The following DSCAML1 variants were observed in gnomAD, a reference collection of about 807,000 sequenced individuals.
DSCAML1 encodes cell adhesion molecule DSCAML1.
Under a neutral mutation model 200.5 loss-of-function variants are expected in DSCAML1, and 38 were observed. That is an observed-to-expected ratio of 0.19 (90% CI 0.15 to 0.25). The LOEUF (loss-of-function observed/expected upper bound fraction) is 0.25. Among genes scored for constraint, DSCAML1 ranks in the 10% least tolerant of loss-of-function variants. DSCAML1 has a pLI of 1.00. For synonymous variants in DSCAML1, 1,215 were observed against 1,165.0 expected (o/e 1.04, Z -0.87); for missense variants, 2,223 against 2,858.8 (o/e 0.78, Z 5.07).
intron 3 of DSCAML1, among the ~76,000 whole-genome samples, chr11:117,752,341 G>C (rs2054618956): frequency 6.6e-6 from 1 of 152,186 alleles, no homozygotes; most frequent in Non-Finnish European, 1.5e-5. Flanking sequence ...ACTCATGTTA[G>C]GGTCTCATTA....
At chr11:117,668,694 C>G (rs1275542982) in intron 3 of DSCAML1, 1 of 152,278 alleles carries the variant, frequency 6.6e-6, no homozygotes, top group African/African-American at 2.4e-5. Flanking sequence ...TGCAAAGCAA[C>G]CTGGTCTCAC....
At chr11:117,721,652 T>TTAAATATATGTAATATA (rs1371770046) in intron 3 of DSCAML1, among the ~76,000 whole-genome samples, 3 of 148,040 alleles carry the variant, frequency 2.0e-5, no homozygotes, top group Non-Finnish European at 3.0e-5. Context: ...AAACATATAT[T>TTAAATATATGTAATATA]TAAATATATG....
At chr11:117,535,345 T>A (rs1057251333) in intron 3 of DSCAML1, among the ~76,000 whole-genome samples, 5 of 152,190 alleles carry the variant, frequency 3.3e-5, no homozygotes, top group African/African-American at 1.2e-4. Flanking sequence ...TTGAGCTACA[T>A]CTTGTTGGGG....
At chr11:117,490,190 A>G (rs994403535) in intron 11 of DSCAML1, among the ~76,000 whole-genome samples, 49 of 152,164 alleles carry the variant, frequency 3.2e-4, no homozygotes, top group African/African-American at 1.2e-3. Flanking sequence ...CAGCAAGCCG[A>G]GGTGGGAGGA....
At position 117,614,618 on chromosome 11, in the gene DSCAML1, T is replaced by A. The variant is rs908330991; in HGVS notation, c.512-82096A>T. On this transcript the variant is annotated intron_variant, in intron 3 of 32. Transcript: ENST00000651296. The stretch of plus-strand genomic sequence containing the variant: ...GTATGGCAGGGGTCATTATCCCCTG[T>A]GGTCCCCTGTGGGACTTAAGAAACC... Among the ~76,000 whole-genome samples the A allele has an allele frequency of 5.3e-5, 8 of 152,206 alleles. 1 individual carries two copies. The highest frequency in any genetic ancestry group is 1.2e-4 in the Non-Finnish European group (8 of 68,040).
intron 3 of DSCAML1, among the ~76,000 whole-genome samples, chr11:117,660,784 G>A (rs898200814): frequency 6.6e-6 from 1 of 152,120 alleles, no homozygotes; most frequent in African/African-American, 2.4e-5. Flanking sequence ...ATGGAACATC[G>A]ATGCAGGAAT....
chr11:117,641,588 C>T (rs2052408890), intron 3 of DSCAML1, among the ~76,000 whole-genome samples: 1 of 152,104 alleles, frequency 6.6e-6, no homozygotes, highest in Non-Finnish European at 1.5e-5. Flanking sequence ...TGGAGGGACT[C>T]GGGCAGCATG....
intron 3 of DSCAML1, among the ~76,000 whole-genome samples, chr11:117,542,467 T>C (rs1373706005): frequency 1.3e-5 from 2 of 152,196 alleles, no homozygotes; most frequent in East Asian, 3.8e-4. Flanking sequence ...GCTCAATCTC[T>C]TACACATGAA....
chr11:117,769,097 TTA>T lies in DSCAML1; in HGVS notation c.511+7692_511+7693del, dbSNP rs1339736272. Among the ~76,000 whole-genome samples, 671 of 129,424 alleles carry T rather than the reference TTA, an allele frequency of 5.2e-3. 3 individuals carry two copies. Among genetic ancestry groups the T allele is most frequent in the Middle Eastern group, 0.015 (4 of 274 alleles). 84.9% of individuals were successfully genotyped at this position (129,424 alleles called of 152,430 possible). A position where few individuals can be genotyped will look rare whatever the true frequency, so the allele number is the denominator to read the frequency against. On this transcript the variant is annotated intron_variant, in intron 3 of 32. Transcript: ENST00000651296. ...ATATAATCTATATATAATATATATT[TTA>T]TATATATAATAGATATTTTATATAT...
intron 11 of DSCAML1, among the ~76,000 whole-genome samples, chr11:117,494,567 C>T (rs1440187132): frequency 1.3e-5 from 2 of 152,168 alleles, no homozygotes; most frequent in Non-Finnish European, 2.9e-5. Context: ...AACAGATCAC[C>T]GGCTGGGCAT....
intron 3 of DSCAML1, among the ~76,000 whole-genome samples, chr11:117,564,318 T>C (rs2050716191): frequency 6.6e-6 from 1 of 152,206 alleles, no homozygotes; most frequent in Non-Finnish European, 1.5e-5. Flanking sequence ...CTCTACCTTG[T>C]GCAGAGACAC....
At chr11:117,755,929 G>C (rs2054682461) in intron 3 of DSCAML1, among the ~76,000 whole-genome samples, 1 of 152,080 alleles carries the variant, frequency 6.6e-6, no homozygotes, top group Non-Finnish European at 1.5e-5. Flanking sequence ...CAGCAGCAGA[G>C]GTCCTTTGTC....
At chr11:117,591,573 C>A (rs1173203213) in intron 3 of DSCAML1, among the ~76,000 whole-genome samples, 1 of 152,218 alleles carries the variant, frequency 6.6e-6, no homozygotes. Flanking sequence ...GAAGTAGGAA[C>A]CAGTGCTTCT....
chr11:117,810,009 A>C (rs544021727), intron 1 of DSCAML1, among the ~76,000 whole-genome samples: 2 of 151,864 alleles, frequency 1.3e-5, no homozygotes, highest in Admixed American at 6.6e-5. Flanking sequence ...ACACATTCCC[A>C]CACTCACACA....
At chr11:117,756,523 T>G (rs540868228) in intron 3 of DSCAML1, among the ~76,000 whole-genome samples, 1 of 152,140 alleles carries the variant, frequency 6.6e-6, no homozygotes, top group Non-Finnish European at 1.5e-5. Context: ...GGGAAGGACA[T>G]GGGACATTTC....
intron 3 of DSCAML1, among the ~76,000 whole-genome samples, chr11:117,564,208 G>A (rs1163037998): frequency 2.0e-5 from 3 of 152,238 alleles, no homozygotes; most frequent in Non-Finnish European, 4.4e-5. Context: ...CTGTTTCATA[G>A]AAATGTACCA....
chr11:117,465,323 C>T (rs1347159217), intron 16 of DSCAML1, 141 bp from the exon 17 acceptor site: 2 of 1,161,448 alleles, frequency 1.7e-6, no homozygotes, highest in Non-Finnish European at 2.4e-6. Flanking sequence ...AGCCAAAGTC[C>T]TTACAATGGC....
Position 117,503,006 on chromosome 11 carries a change from T to C in DSCAML1, c.2359+839A>G, listed in dbSNP as rs2049426921. ...AGCCATGTCTTGACATGGGGCCAGATGGACGTGGCCCTTCTGATGTGATTC... is the reference window on the plus strand; with the variant it reads ...AGCCATGTCTTGACATGGGGCCAGACGGACGTGGCCCTTCTGATGTGATTC... On this transcript the variant is annotated intron_variant, in intron 11 of 32. Coordinates refer to ENST00000651296, the MANE Select transcript of DSCAML1 (RefSeq NM_020693.4). The surrounding 1 kb of genome is among the most constrained non-coding windows in gnomAD (Gnocchi z 5.2). 2.0e-5 allele frequency among the ~76,000 whole-genome samples: 3 copies of C among 152,174 alleles called. No homozygotes were observed.
At chr11:117,608,362 AT>A (rs548009864) in intron 3 of DSCAML1, among the ~76,000 whole-genome samples, 171 of 152,358 alleles carry the variant, frequency 1.1e-3, no homozygotes, top group African/African-American at 3.7e-3. Flanking sequence ...CATATTGAAA[AT>A]TATAAAAGAA....
Sources: allele counts gnomAD v4.1 joint callset (sites outside exome capture counted in the v4.1 genomes callset), GRCh38; gene constraint gnomAD v4.1.1; non-coding constraint Gnocchi (gnomAD v3.1); transcripts MANE v1.5; gene names NCBI Gene and HGNC (gene_info 2026-07-23, HGNC 2026-07-21).